The following KIF17 variants were observed in gnomAD, a reference collection of about 807,000 sequenced individuals.
KIF17 encodes the protein kinesin-like protein KIF17.
KIF17 carries 80 observed loss-of-function variants against 96.8 expected under a neutral mutation model. The ratio of observed to expected loss-of-function variants is 0.83; its 90% CI spans 0.69 to 1.00. KIF17 has a LOEUF of 1.00. KIF17 is among the 50% of genes least tolerant of loss of function. The pLI is 0.00. For synonymous variants in KIF17, 567 were observed against 587.5 expected (o/e 0.97, Z 0.51); for missense variants, 1,280 against 1,372.9 (o/e 0.93, Z 1.07).
chr1:20,663,449 C>T (rs2053471968), downstream of KIF17, among the ~76,000 whole-genome samples: 1 of 152,156 alleles, frequency 6.6e-6, no homozygotes, highest in Non-Finnish European at 1.5e-5. Flanking sequence ...ACCTGCTATG[C>T]CCCAGGAGCT....
chr1:20,676,360 C>T (rs1305354494), intron 11 of KIF17, among the ~76,000 whole-genome samples: 1 of 152,106 alleles, frequency 6.6e-6, no homozygotes, highest in Non-Finnish European at 1.5e-5. Context: ...ATTTATATCA[C>T]AGACCAAGAG....
intron 13 of KIF17, among the ~76,000 whole-genome samples, chr1:20,668,269 C>G (rs562454880): frequency 4.0e-5 from 6 of 150,146 alleles, no homozygotes; most frequent in Non-Finnish European, 7.4e-5. Flanking sequence ...GAGATTGCAC[C>G]ACTGCACTCC....
At chr1:20,695,651 C>T (rs569010323) in intron 6 of KIF17, among the ~76,000 whole-genome samples, 2 of 150,440 alleles carry the variant, frequency 1.3e-5, no homozygotes, top group East Asian at 4.0e-4. Context: ...GTACAGGACT[C>T]CCTCACCTTC....
intron 6 of KIF17, among the ~76,000 whole-genome samples, chr1:20,690,580 T>A (rs538006857): frequency 1.3e-4 from 19 of 151,900 alleles, no homozygotes; most frequent in Admixed American, 2.0e-4. Flanking sequence ...TGGAGTGCAA[T>A]GGCATAATCA....
intron 4 of KIF17, 149 bp from the exon 5 acceptor site, chr1:20,705,048 G>C: frequency 1.4e-6 from 1 of 733,160 alleles, no homozygotes; most frequent in Non-Finnish European, 2.4e-6. Flanking sequence ...GCTATTATTG[G>C]GTTCATCTTA....
chr1:20,683,441 G>C (rs1292391274), intron 10 of KIF17, among the ~76,000 whole-genome samples: 1 of 152,106 alleles, frequency 6.6e-6, no homozygotes, highest in African/African-American at 2.4e-5. Context: ...AATCATTTGA[G>C]GTCAGGAGTT....
intron 3 of KIF17, among the ~76,000 whole-genome samples, chr1:20,710,816 T>C (rs2054422415): frequency 6.6e-6 from 1 of 152,036 alleles, no homozygotes; most frequent in African/African-American, 2.4e-5. Context: ...CTTCATGGAA[T>C]AGAGGAGTAA....
intron 2 of KIF17, among the ~76,000 whole-genome samples, chr1:20,714,211 C>T (rs2054535825): frequency 6.6e-6 from 1 of 152,190 alleles, no homozygotes; most frequent in African/African-American, 2.4e-5. Flanking sequence ...CCTGTAGTCC[C>T]AGCTACTCAG....
chr1:20,690,352 G>GGCCGCA lies in KIF17; in HGVS notation c.1234-18_1234-17insTGCGGC. On this transcript the variant is annotated splice_polypyrimidine_tract_variant and intron_variant, in intron 6 of 14. Coordinates refer to ENST00000400463, the MANE Select transcript of KIF17 (RefSeq NM_001122819.3). Reference sequence around the variant, plus strand: ...TTCATACTCCTGGGGGGGTGGGAGGGACCAGAGGGCAGGCAGCATTTTATC... The same window carrying GGCCGCA: ...TTCATACTCCTGGGGGGGTGGGAGGGGCCGCAACCAGAGGGCAGGCAGCATTTTATC... 2.2e-6 allele frequency: 1 copy of GGCCGCA among 451,156 alleles called. No individual in the cohort carries two copies. The highest frequency in any genetic ancestry group is 4.3e-6 in the Non-Finnish European group (1 of 235,134). 27.9% of individuals were successfully genotyped at this position (451,156 alleles called of 1,614,324 possible). A position where few individuals can be genotyped will look rare whatever the true frequency, so the allele number is the denominator to read the frequency against.
rs143130602 is a variant in KIF17 at position 20,690,234 on chromosome 1, A to G, written c.1335T>C (p.Tyr445=). Reference sequence around the variant, plus strand: ...CCTCCAGCGTGGACAGCCTGACGTCATATGAGTTGCGCATGGCAGTGATGT... The same window carrying G: ...CCTCCAGCGTGGACAGCCTGACGTCGTATGAGTTGCGCATGGCAGTGATGT... The part of the protein sequence containing the change: ...EEDITAMRNS[Y]DVRLSTLEEN... Residue 445 remains tyrosine, a synonymous_variant, in exon 7 of 15, where the codon TAT becomes TAC. Transcript: ENST00000400463. 1.1e-5 allele frequency: 17 copies of G among 1,568,778 alleles called. No individual in the cohort carries two copies. The highest frequency in any genetic ancestry group is 5.5e-5 in the African/African-American group (4 of 72,556).
In KIF17 at chr1:20,700,737, G is replaced by A. The variant is rs1023513956; in HGVS notation, c.1124-2249C>T. Among the ~76,000 whole-genome samples the A allele has an allele frequency of 6.6e-6, 1 of 152,126 alleles. No homozygotes were observed. Among genetic ancestry groups the A allele is most frequent in the African/African-American group, 2.4e-5 (1 of 41,422 alleles). ...CGAATTCCTAGAAACCGTAAACCACGAGTCAGTGAGTCCATCTTTGGTATA... is the reference window on the plus strand; with the variant it reads ...CGAATTCCTAGAAACCGTAAACCACAAGTCAGTGAGTCCATCTTTGGTATA... On this transcript the variant is annotated intron_variant, in intron 5 of 14. Transcript: ENST00000400463. This position sits in a 1 kb window ranked among gnomAD's most constrained non-coding sequence, Gnocchi z 4.6.
chr1:20,687,884 G>A lies in KIF17; in HGVS notation c.1442C>T (p.Ala481Val), dbSNP rs867454014. Residue 481 changes from alanine to valine, a missense_variant, in exon 8 of 15, where the codon GCC becomes GTC. Ala to Val is a moderately conservative substitution (Grantham distance 64, BLOSUM62 0). Coordinates refer to ENST00000400463, the MANE Select transcript of KIF17 (RefSeq NM_001122819.3). The surrounding 1 kb of genome is among the most constrained non-coding windows in gnomAD (Gnocchi z 4.4). ...AGCAGGCGGGTACTCAGCGCTGCTG[G>A]CAAACTCAGCCCTGGACATGACCTC... is the stretch of plus-strand genomic sequence containing the variant. ...KAEVMSRAEF[A>V]SSAEYPPAFQ... 1 of 1,613,918 alleles carries A rather than the reference G, an allele frequency of 6.2e-7. No individual in the cohort carries two copies. The highest frequency in any genetic ancestry group is 1.1e-5 in the South Asian group (1 of 91,082).
intron 13 of KIF17, among the ~76,000 whole-genome samples, chr1:20,669,863 TCAAAAAAAAAAA>T (rs2053607095): frequency 5.2e-5 from 1 of 19,228 alleles, no homozygotes. Context: ...AGACTCCATC[TCAAAAAAAAAAA>T]AAAAAAAAAA....
rs1024296746 is a variant in KIF17, at chr1:20,711,427, C to T, written c.481-1599G>A. On this transcript the variant is annotated intron_variant, in intron 3 of 14. Transcript: ENST00000400463. ...GGCGCTGAGTGACAGCCCTCAGCCGCGCACCAGGTTCCTTGGTAACTGCTC... is the reference window on the plus strand; with the variant it reads ...GGCGCTGAGTGACAGCCCTCAGCCGTGCACCAGGTTCCTTGGTAACTGCTC... 3.3e-5 allele frequency among the ~76,000 whole-genome samples: 5 copies of T among 152,190 alleles called. No individual in the cohort carries two copies. In the South Asian group the frequency reaches 1.0e-3, roughly 32 times the overall value.
chr1:20,703,540 GT>G (rs2054284309), intron 5 of KIF17, among the ~76,000 whole-genome samples: 1 of 146,566 alleles, frequency 6.8e-6, no homozygotes, highest in Admixed American at 6.8e-5. Context: ...AGATGTATAG[GT>G]GGGTGAGTGG....
chr1:20,684,690 C>T lies in KIF17; in HGVS notation c.2231+119G>A, dbSNP rs1451606511. On this transcript the variant is annotated intron_variant, in intron 10 of 14. Coordinates refer to ENST00000400463, the MANE Select transcript of KIF17 (RefSeq NM_001122819.3). ...GCGCCTGGAGAGAGGATCAGGGCCG[C>T]CCTGCCAAGTTAGAAGGGAGAGCTG... is the stretch of plus-strand genomic sequence containing the variant. The T allele has an allele frequency of 5.7e-6, 6 of 1,051,280 alleles. No individual in the cohort carries two copies. The African/African-American group carries it at 6.3e-5, about 11-fold the overall frequency. The allele number at this position is 1,051,280 out of a possible 1,614,324, so 65.1% of individuals were successfully genotyped here.
intron 12 of KIF17, among the ~76,000 whole-genome samples, chr1:20,670,979 A>T (rs77322257): frequency 0.026 from 3,905 of 152,262 alleles, 171 homozygotes; most frequent in African/African-American, 0.088. Context: ...GGAGGCTTTC[A>T]AGGTCATCTG....
intron 2 of KIF17, 80 bp downstream of exon 2, chr1:20,715,413 C>T (rs755675753): frequency 1.4e-4 from 228 of 1,577,736 alleles, no homozygotes; most frequent in South Asian, 3.1e-4. Flanking sequence ...AAAGACTTCC[C>T]GTGTCTCTGC....
At chr1:20,676,064 G>A (rs538839683) in intron 11 of KIF17, among the ~76,000 whole-genome samples, 8 of 152,012 alleles carry the variant, frequency 5.3e-5, no homozygotes, top group Non-Finnish European at 1.0e-4. Context: ...AGACAATATC[G>A]AAGCAGCTCC....
Sources: gnomAD v4.1 joint callset for allele counts (sites outside exome capture counted in the v4.1 genomes callset) on GRCh38, gnomAD v4.1.1 for gene constraint, Gnocchi (gnomAD v3.1) non-coding constraint, MANE v1.5 for transcripts, NCBI Gene and HGNC (gene_info 2026-07-23, HGNC 2026-07-21) for gene names.